CRB1: variants seen among roughly 807,000 people sequenced by gnomAD.
CRB1 encodes the protein protein crumbs homolog 1.
CRB1 carries 83 observed loss-of-function variants against 120.0 expected under a neutral mutation model. That is an observed-to-expected ratio of 0.69 (90% CI 0.58 to 0.83). CRB1 has a LOEUF of 0.83. Ranked by LOEUF, CRB1 falls within the 40% of genes least tolerant of loss-of-function variation. CRB1 has a pLI of 0.00. For synonymous variants in CRB1, 625 were observed against 612.5 expected, an observed-to-expected ratio of 1.02 and a Z score of -0.30; for missense variants, 1,699 against 1,687.6, an observed-to-expected ratio of 1.01 and a Z score of -0.12.
rs1054061406 is a variant in CRB1, at chr1:197,381,473, A to C, written c.1171+24460A>C. On this transcript the variant is annotated intron_variant, in intron 5 of 11. Transcript: ENST00000367400. Reference sequence around the variant, plus strand: ...GTAATTATTTTCTTTAAGTCCTTACAGTGATATCTTACAAAGATTTCCTCC... The same window carrying C: ...GTAATTATTTTCTTTAAGTCCTTACCGTGATATCTTACAAAGATTTCCTCC... 3.3e-5 allele frequency among the ~76,000 whole-genome samples: 5 copies of C among 152,336 alleles called. No individual in the cohort carries two copies. The Middle Eastern group carries it at 0.014, about 415-fold the overall frequency.
chr1:197,434,581 T>G (rs1408386872), intron 8 of CRB1, 125 bp from the exon 9 acceptor site: 4 of 847,442 alleles, frequency 4.7e-6, no homozygotes, highest in Non-Finnish European at 5.7e-6. Flanking sequence ...TAGCACAGTA[T>G]GTAACATGTA....
At chr1:197,293,441 T>C (rs922381781) in intron 1 of CRB1, among the ~76,000 whole-genome samples, 6 of 152,290 alleles carry the variant, frequency 3.9e-5, no homozygotes, top group Admixed American at 2.6e-4. Flanking sequence ...GAACATTCCA[T>C]GCTCATGGAT....
the CRB1 span, among the ~76,000 whole-genome samples, chr1:197,213,528 T>G: frequency 6.6e-6 from 1 of 152,132 alleles, no homozygotes; most frequent in African/African-American, 2.4e-5. Flanking sequence ...CCCATGTGAC[T>G]CAGAAAGCCC....
chr1:197,260,649 A>G, the CRB1 span, among the ~76,000 whole-genome samples: 1 of 152,098 alleles, frequency 6.6e-6, no homozygotes, highest in African/African-American at 2.4e-5. Flanking sequence ...CATTTATAGC[A>G]GACTAAGAAT....
At chr1:197,305,852 A>G (rs919503054) in intron 1 of CRB1, among the ~76,000 whole-genome samples, 2 of 151,660 alleles carry the variant, frequency 1.3e-5, no homozygotes, top group Admixed American at 1.3e-4. Flanking sequence ...AGATCTACAT[A>G]ATATAGGTGA....
chr1:197,382,250 C>T (rs1392424403), intron 5 of CRB1, among the ~76,000 whole-genome samples: 1 of 152,118 alleles, frequency 6.6e-6, no homozygotes, highest in East Asian at 1.9e-4. Context: ...TAGAACAGCA[C>T]CTGGTGCAAA....
At chr1:197,202,949 G>A in the CRB1 span, among the ~76,000 whole-genome samples, 85 of 150,450 alleles carry the variant, frequency 5.6e-4, no homozygotes, top group Non-Finnish European at 7.4e-4. Flanking sequence ...AGACCTACAA[G>A]TGATGTCTTT....
the CRB1 span, among the ~76,000 whole-genome samples, chr1:197,208,202 T>C: frequency 6.6e-6 from 1 of 152,210 alleles, no homozygotes; most frequent in Non-Finnish European, 1.5e-5. Flanking sequence ...TAATCAACTT[T>C]CTGAATTCTT....
chr1:197,225,024 C>T, the CRB1 span, among the ~76,000 whole-genome samples: 1 of 152,146 alleles, frequency 6.6e-6, no homozygotes, highest in East Asian at 1.9e-4. Context: ...GTGTTAGGCA[C>T]AGTTCTATAT....
intron 11 of CRB1, among the ~76,000 whole-genome samples, chr1:197,448,709 C>CTGAT (rs1038797197): frequency 6.6e-6 from 1 of 152,174 alleles, no homozygotes; most frequent in African/African-American, 2.4e-5. Context: ...GATCCTTTCC[C>CTGAT]TGATTGCCCC....
intron 11 of CRB1, among the ~76,000 whole-genome samples, chr1:197,449,806 C>T (rs898086697): frequency 2.0e-5 from 3 of 152,248 alleles, no homozygotes; most frequent in South Asian, 2.1e-4. Context: ...TTGGAGTGTA[C>T]GCTACATGGG....
At chr1:197,428,236 C>T (rs1000511151) in intron 7 of CRB1, among the ~76,000 whole-genome samples, 5 of 152,114 alleles carry the variant, frequency 3.3e-5, no homozygotes, top group African/African-American at 4.8e-5. Context: ...AAAGTAACTT[C>T]GGCTATAGGC....
chr1:197,417,589 G>A (rs375084078), intron 5 of CRB1, among the ~76,000 whole-genome samples: 2 of 152,324 alleles, frequency 1.3e-5, no homozygotes, highest in Admixed American at 6.5e-5. Flanking sequence ...TAAAAAGAGA[G>A]GCAACGTCTG....
At position 197,435,277 on chromosome 1, in the gene CRB1, G is replaced by T; in HGVS notation, c.3414G>T (p.Leu1138Phe). ...ISTNSVVTGC[L>F]QLNVCNSNPC... ...CCAATTCAGTGGTCACTGGCTGTTT[G>T]CAGTTAAATGTCTGCAACTCCAACC... is the stretch of plus-strand genomic sequence containing the variant. Residue 1138 changes from leucine (L) to phenylalanine (F), a missense_variant, in exon 9 of 12, where the codon TTG becomes TTT. Leu to Phe is a conservative substitution (Grantham distance 22). Coordinates refer to ENST00000367400, the MANE Select transcript of CRB1 (RefSeq NM_201253.3). 2 of 1,613,858 alleles carry T rather than the reference G, an allele frequency of 1.2e-6. No individual in the cohort carries two copies. Among genetic ancestry groups the T allele is most frequent in the Non-Finnish European group, 1.7e-6 (2 of 1,179,848 alleles).
intron 5 of CRB1, among the ~76,000 whole-genome samples, chr1:197,395,155 A>T (rs1662709720): frequency 6.6e-6 from 1 of 152,154 alleles, no homozygotes. Context: ...GGATGTCTCC[A>T]GAGTACATGC....
At chr1:197,207,515 A>G in the CRB1 span, among the ~76,000 whole-genome samples, 2 of 152,044 alleles carry the variant, frequency 1.3e-5, no homozygotes, top group Non-Finnish European at 2.9e-5. Flanking sequence ...GCTGATAATT[A>G]TTTTGTTTAA....
the CRB1 span, among the ~76,000 whole-genome samples, chr1:197,205,665 G>A: frequency 2.6e-5 from 4 of 152,026 alleles, no homozygotes; most frequent in African/African-American, 9.7e-5. Flanking sequence ...TTTTGTTGAG[G>A]ATTTTTGCAT....
At chr1:197,460,001 CT>C (rs10679172) in intron 11 of CRB1, among the ~76,000 whole-genome samples, 873 of 75,636 alleles carry the variant, frequency 0.012, 16 homozygotes, top group African/African-American at 0.034. Flanking sequence ...AAGCCCCCCT[CT>C]TTTTTTTTTT....
chr1:197,427,334 T>A lies in CRB1; in HGVS notation c.2129-120T>A. The A allele has an allele frequency of 5.3e-6, 4 of 759,874 alleles. No homozygotes were observed. In the East Asian group the frequency reaches 1.0e-4, roughly 19 times the overall value. The allele number at this position is 759,874 out of a possible 1,614,324, so 47.1% of individuals were successfully genotyped here. ...GAACTTTAAAAGCTATGTATGAGTGTGTATGCTTGTGTGCATGTGTGTGTG... is the reference window on the plus strand; with the variant it reads ...GAACTTTAAAAGCTATGTATGAGTGAGTATGCTTGTGTGCATGTGTGTGTG... On this transcript the variant is annotated intron_variant, in intron 6 of 11. Coordinates refer to ENST00000367400, the MANE Select transcript of CRB1 (RefSeq NM_201253.3).
Sources: allele counts gnomAD v4.1 joint callset (sites outside exome capture counted in the v4.1 genomes callset), GRCh38; gene constraint gnomAD v4.1.1; transcripts MANE v1.5; gene names NCBI Gene and HGNC (gene_info 2026-07-23, HGNC 2026-07-21).